SORCS2: variants seen among roughly 807,000 people sequenced by gnomAD.
SORCS2 encodes the protein sortilin related VPS10 domain containing receptor 2.
Under a neutral mutation model 141.6 loss-of-function variants are expected in SORCS2, and 100 were observed. The ratio of observed to expected loss-of-function variants is 0.71; its 90% CI spans 0.60 to 0.83. SORCS2 has a LOEUF of 0.83. Among genes scored for constraint, SORCS2 ranks in the 40% least tolerant of loss-of-function variants. SORCS2 has a pLI of 0.00. For missense variants in SORCS2, 1,646 were observed against 1,560.2 expected, an observed-to-expected ratio of 1.05 and a Z score of -0.93; for synonymous variants, 789 against 676.9, an observed-to-expected ratio of 1.17 and a Z score of -2.57.
At chr4:7,594,189 G>C (rs190102429) in intron 3 of SORCS2, among the ~76,000 whole-genome samples, 1 of 152,170 alleles carries the variant, frequency 6.6e-6, no homozygotes, top group Non-Finnish European at 1.5e-5. Context: ...CTGCTGCCTC[G>C]GGAAGTGCTC....
chr4:7,562,673 T>C lies in SORCS2; in HGVS notation c.648+31044T>C, dbSNP rs116517541. Among the ~76,000 whole-genome samples the C allele has an allele frequency of 8.2e-3, 1,250 of 152,280 alleles. 15 individuals carry two copies. The highest frequency in any genetic ancestry group is 0.027 in the African/African-American group (1,132 of 41,546). On this transcript the variant is annotated intron_variant, in intron 3 of 26. Coordinates refer to ENST00000507866, the MANE Select transcript of SORCS2 (RefSeq NM_020777.3). The stretch of plus-strand genomic sequence containing the variant: ...TGGATGGCTTAAAGTAACAGAAACG[T>C]ATTCTCACACTGCTCTGGACCAGAG...
chr4:7,661,835 C>T (rs1194274532), intron 6 of SORCS2, among the ~76,000 whole-genome samples: 1 of 152,188 alleles, frequency 6.6e-6, no homozygotes, highest in Non-Finnish European at 1.5e-5. Flanking sequence ...ACTCAGCCCA[C>T]CACCCCTGGC....
chr4:7,590,548 T>A (rs531122305), intron 3 of SORCS2, among the ~76,000 whole-genome samples: 2 of 152,166 alleles, frequency 1.3e-5, no homozygotes, highest in Non-Finnish European at 2.9e-5. Flanking sequence ...AGCATTCTCA[T>A]GTGCTTTGTC....
intron 2 of SORCS2, among the ~76,000 whole-genome samples, chr4:7,430,069 G>C (rs888656956): frequency 2.0e-5 from 3 of 152,156 alleles, no homozygotes; most frequent in African/African-American, 7.2e-5. Context: ...CTCGTTGTAA[G>C]GAATAGATTT....
At chr4:7,538,028 GGATT>G (rs1712272996) in intron 3 of SORCS2, among the ~76,000 whole-genome samples, 1 of 152,140 alleles carries the variant, frequency 6.6e-6, no homozygotes, top group Non-Finnish European at 1.5e-5. Context: ...AGCCAATAGA[GGATT>G]GACCCGGGTG....
intron 1 of SORCS2, among the ~76,000 whole-genome samples, chr4:7,213,634 C>T (rs528738290): frequency 9.9e-5 from 15 of 152,284 alleles, no homozygotes; most frequent in African/African-American, 2.4e-4. Context: ...GCAAGGACCT[C>T]GGGAGCCTCG....
chr4:7,448,506 A>G (rs4689750), intron 2 of SORCS2, among the ~76,000 whole-genome samples: 74,764 of 130,780 alleles, frequency 0.57, 20,312 homozygotes, highest in East Asian at 0.83. Context: ...TTTCCTTTCC[A>G]TCTCCCTCCC....
At chr4:7,548,037 A>G (rs1025163257) in intron 3 of SORCS2, among the ~76,000 whole-genome samples, 5 of 152,204 alleles carry the variant, frequency 3.3e-5, no homozygotes, top group African/African-American at 1.2e-4. Flanking sequence ...TGAGCAATGT[A>G]GGATCACACT....
chr4:7,457,385 G>A (rs983543893), intron 2 of SORCS2, among the ~76,000 whole-genome samples: 7 of 152,248 alleles, frequency 4.6e-5, no homozygotes, highest in Admixed American at 3.3e-4. Context: ...CTTTTGGCCA[G>A]GGAGCCGCGT....
At chr4:7,354,514 A>T (rs965594967) in intron 1 of SORCS2, among the ~76,000 whole-genome samples, 8 of 152,102 alleles carry the variant, frequency 5.3e-5, no homozygotes, top group Admixed American at 5.2e-4. Flanking sequence ...TCCCAGCCCT[A>T]CTCAGAGGCT....
chr4:7,581,553 A>G (rs956732900), intron 3 of SORCS2, among the ~76,000 whole-genome samples: 2 of 152,138 alleles, frequency 1.3e-5, no homozygotes, highest in Non-Finnish European at 2.9e-5. Context: ...CCCCGTTGTG[A>G]GTATGGTGGC....
At chr4:7,701,105 C>T (rs1057450570) in intron 12 of SORCS2, among the ~76,000 whole-genome samples, 9 of 152,154 alleles carry the variant, frequency 5.9e-5, no homozygotes, top group African/African-American at 2.2e-4. Context: ...CTTAATCCTT[C>T]TTGGCCCTGG....
intron 26 of SORCS2, among the ~76,000 whole-genome samples, chr4:7,737,634 A>G (rs1173610758): frequency 6.6e-6 from 1 of 152,192 alleles, no homozygotes; most frequent in African/African-American, 2.4e-5. Flanking sequence ...TTTACAGTTT[A>G]TGAAGCATTT....
intron 2 of SORCS2, among the ~76,000 whole-genome samples, chr4:7,509,782 G>GT (rs1732503384): frequency 6.6e-6 from 1 of 152,220 alleles, no homozygotes. Flanking sequence ...CACCGGGGCT[G>GT]TGTTCTGGGG....
intron 2 of SORCS2, among the ~76,000 whole-genome samples, chr4:7,459,050 C>T (rs1729115787): frequency 6.6e-6 from 1 of 151,970 alleles, no homozygotes; most frequent in Admixed American, 6.5e-5. Flanking sequence ...GTGGCAAAGG[C>T]CACGTCCTCC....
chr4:7,365,391 A>G (rs575951513), intron 1 of SORCS2, among the ~76,000 whole-genome samples: 1 of 151,818 alleles, frequency 6.6e-6, no homozygotes, highest in Admixed American at 6.6e-5. Context: ...GACCCCTAGG[A>G]TTTTGTTTGG....
intron 3 of SORCS2, among the ~76,000 whole-genome samples, chr4:7,562,672 G>C (rs1039357554): frequency 2.0e-5 from 3 of 152,162 alleles, no homozygotes; most frequent in Admixed American, 1.3e-4. Context: ...TAACAGAAAC[G>C]TATTCTCACA....
chr4:7,199,629 C>T (rs1371747900), intron 1 of SORCS2, among the ~76,000 whole-genome samples: 1 of 151,750 alleles, frequency 6.6e-6, no homozygotes, highest in Non-Finnish European at 1.5e-5. Context: ...TGGGGCGGGC[C>T]GCTCTGGGAT....
chr4:7,444,830 G>A (rs2109269342), intron 2 of SORCS2, among the ~76,000 whole-genome samples: 1 of 152,364 alleles, frequency 6.6e-6, no homozygotes, highest in Middle Eastern at 3.4e-3. Context: ...TCTGCTTGAA[G>A]TTAGAGCCAA....
Sources: allele counts gnomAD v4.1 joint callset (sites outside exome capture counted in the v4.1 genomes callset), GRCh38; gene constraint gnomAD v4.1.1; transcripts MANE v1.5; gene names NCBI Gene and HGNC (gene_info 2026-07-23, HGNC 2026-07-21).